Variants in QTGAL observed in about 807,000 individuals in gnomAD.
QTGAL encodes the protein queuosine-tRNA galactosyltransferase.
At chr17:83,037,843 C>G in the QTGAL span, among the ~76,000 whole-genome samples, 1 of 152,182 alleles carries the variant, frequency 6.6e-6, no homozygotes, top group Non-Finnish European at 1.5e-5. The surrounding 1 kb of genome is among the most constrained non-coding windows in gnomAD (Gnocchi z 5.2). Flanking sequence ...TTGGCAGAGA[C>G]AAGGAATTTG....
the QTGAL span, among the ~76,000 whole-genome samples, chr17:83,033,564 C>T: frequency 2.1e-3 from 313 of 151,164 alleles, 1 homozygote; most frequent in African/African-American, 7.2e-3. Context: ...CTCCGCCTCC[C>T]GGGTTCACGC....
chr17:82,957,034 C>T, the QTGAL span: 3 of 1,214,246 alleles, frequency 2.5e-6, no homozygotes, highest in South Asian at 1.3e-5. Context: ...GTTCTCCCCC[C>T]AAGAATGGGG....
the QTGAL span, among the ~76,000 whole-genome samples, chr17:83,044,645 C>T: frequency 3.0e-4 from 45 of 152,120 alleles, no homozygotes; most frequent in African/African-American, 9.7e-4. Flanking sequence ...CCAACCAGAG[C>T]GATGAAGAAA....
the QTGAL span, chr17:83,007,249 TG>T: frequency 3.0e-6 from 3 of 985,290 alleles, no homozygotes; most frequent in African/African-American, 5.2e-5. Flanking sequence ...AAAATAGTTG[TG>T]AATTAGGACA....
chr17:83,044,284 C>T, the QTGAL span, among the ~76,000 whole-genome samples: 1 of 152,170 alleles, frequency 6.6e-6, no homozygotes, highest in Non-Finnish European at 1.5e-5. Flanking sequence ...AAAGATTTTA[C>T]ACCAGGAACA....
the QTGAL span, among the ~76,000 whole-genome samples, chr17:83,047,995 CCTT>C: frequency 6.6e-6 from 1 of 150,456 alleles, no homozygotes; most frequent in Non-Finnish European, 1.5e-5. Flanking sequence ...CTCCTTTCTT[CCTT>C]CTTTCCTTCC....
chr17:82,948,586 C>CA, the QTGAL span: 2 of 152,280 alleles, frequency 1.3e-5, no homozygotes, highest in Non-Finnish European at 2.9e-5. Flanking sequence ...TGCGAGAACA[C>CA]AGACACTGGA....
chr17:82,964,535 T>C, the QTGAL span, among the ~76,000 whole-genome samples: 4 of 150,324 alleles, frequency 2.7e-5, no homozygotes, highest in African/African-American at 9.8e-5. Flanking sequence ...CACGGACGCC[T>C]GCAGGTGCAC....
chr17:82,959,626 A>G, the QTGAL span, among the ~76,000 whole-genome samples: 1 of 151,792 alleles, frequency 6.6e-6, no homozygotes, highest in South Asian at 2.1e-4. Context: ...GATCCTCCTC[A>G]TCCACTGACA....
chr17:82,945,238 CATT>C, the QTGAL span: 38 of 152,332 alleles, frequency 2.5e-4, no homozygotes, highest in South Asian at 8.3e-4. Context: ...GATCTGAAAA[CATT>C]ATCCAGAGAA....
At chr17:82,965,662 C>T in the QTGAL span, 22 of 1,609,464 alleles carry the variant, frequency 1.4e-5, no homozygotes, top group African/African-American at 2.7e-5. Flanking sequence ...TGACCTCCCT[C>T]GTTAAAGGGG....
chr17:83,019,001 C>T, the QTGAL span, among the ~76,000 whole-genome samples: 2 of 152,196 alleles, frequency 1.3e-5, no homozygotes, highest in African/African-American at 2.4e-5. Flanking sequence ...TGCCCCCTGA[C>T]GTTGTGGTCT....
chr17:82,977,005 T>C, the QTGAL span, among the ~76,000 whole-genome samples: 1 of 150,982 alleles, frequency 6.6e-6, no homozygotes, highest in African/African-American at 2.4e-5. Flanking sequence ...CGTCAGGGAG[T>C]CAGGGCCCCA....
the QTGAL span, chr17:83,051,594 C>T: frequency 3.5e-6 from 3 of 854,542 alleles, no homozygotes; most frequent in Non-Finnish European, 4.9e-6. Flanking sequence ...GGCCTAAGGG[C>T]TGCTCAGGGC....
At chr17:82,977,715 G>A in the QTGAL span, among the ~76,000 whole-genome samples, 1 of 152,142 alleles carries the variant, frequency 6.6e-6, no homozygotes, top group African/African-American at 2.4e-5. Context: ...GAGGTGTTCA[G>A]GCACTGGACG....
chr17:83,005,080 T>A, the QTGAL span: 28 of 1,545,044 alleles, frequency 1.8e-5, no homozygotes, highest in South Asian at 3.3e-4. This position sits in a 1 kb window ranked among gnomAD's most constrained non-coding sequence, Gnocchi z 5.6. Context: ...AGGCGACCTG[T>A]GCACCTGCCC....
chr17:82,991,080 A>G, the QTGAL span, among the ~76,000 whole-genome samples: 1 of 152,244 alleles, frequency 6.6e-6, no homozygotes, highest in Non-Finnish European at 1.5e-5. Flanking sequence ...GATGAAAATT[A>G]ACTAAAAAAT....
chr17:83,004,904 G>T, the QTGAL span, among the ~76,000 whole-genome samples: 2 of 152,240 alleles, frequency 1.3e-5, no homozygotes, highest in East Asian at 3.8e-4. Flanking sequence ...GAACCAGCCT[G>T]AACTGCCGGC....
chr17:82,999,814 C>T, the QTGAL span, among the ~76,000 whole-genome samples: 1 of 152,132 alleles, frequency 6.6e-6, no homozygotes, highest in African/African-American at 2.4e-5. Context: ...CATGACTTTT[C>T]TCTGCTTTTT....
Sources: allele counts gnomAD v4.1 joint callset (sites outside exome capture counted in the v4.1 genomes callset), GRCh38; gene constraint gnomAD v4.1.1; non-coding constraint Gnocchi (gnomAD v3.1); transcripts MANE v1.5; gene names NCBI Gene and HGNC (gene_info 2026-07-23, HGNC 2026-07-21).